ADAMTSL1: variants seen among roughly 807,000 people sequenced by gnomAD.
ADAMTSL1 encodes the protein ADAMTS-like protein 1.
Under a neutral mutation model 201.8 loss-of-function variants are expected in ADAMTSL1, and 126 were observed. That is an observed-to-expected ratio of 0.62 (90% CI 0.54 to 0.72). ADAMTSL1 has a LOEUF of 0.72. ADAMTSL1 is among the 30% of genes least tolerant of loss of function. The pLI is 0.00. For missense variants in ADAMTSL1, 2,679 were observed against 2,277.8 expected, an observed-to-expected ratio of 1.18 and a Z score of -3.59; for synonymous variants, 1,121 against 903.4, an observed-to-expected ratio of 1.24 and a Z score of -4.32.
intron 2 of ADAMTSL1, among the ~76,000 whole-genome samples, chr9:18,397,806 G>A (rs1275104047): frequency 8.5e-5 from 13 of 152,128 alleles, no homozygotes; most frequent in Admixed American, 8.5e-4. Context: ...CTAAAGGTTT[G>A]GGTAAGCATC....
intron 1 of ADAMTSL1, among the ~76,000 whole-genome samples, chr9:17,994,739 T>TG: frequency 6.6e-6 from 1 of 152,204 alleles, no homozygotes. Flanking sequence ...TTTACAATCC[T>TG]GATTTTCCAT....
rs186867870 is a variant in ADAMTSL1, at chr9:18,524,701, T to C, written c.192-8546T>C. Among the ~76,000 whole-genome samples the C allele has an allele frequency of 5.5e-3, 837 of 152,312 alleles. 10 individuals are homozygous for C. The highest frequency in any genetic ancestry group is 0.045 in the East Asian group (233 of 5,190). ...TTTTCTGCATCTATTGAGATAATCA[T>C]GTGGTTTTTGTCTTTGGTTCTGTTT... On this transcript the variant is annotated intron_variant, in intron 2 of 28. Transcript: ENST00000380548.
At chr9:18,823,990 A>T (rs939501353) in intron 21 of ADAMTSL1, among the ~76,000 whole-genome samples, 1 of 151,996 alleles carries the variant, frequency 6.6e-6, no homozygotes, top group African/African-American at 2.4e-5. Context: ...ACTCCATCTC[A>T]ATAAGAAAGA....
intron 4 of ADAMTSL1, among the ~76,000 whole-genome samples, chr9:18,582,125 G>A (rs1823136996): frequency 6.6e-6 from 1 of 152,130 alleles, no homozygotes; most frequent in Non-Finnish European, 1.5e-5. Flanking sequence ...ATGTTTGAGG[G>A]ATTCATGGGT....
intron 1 of ADAMTSL1, among the ~76,000 whole-genome samples, chr9:18,141,489 C>T (rs1225292514): frequency 6.6e-6 from 1 of 152,082 alleles, no homozygotes; most frequent in African/African-American, 2.4e-5. Flanking sequence ...AAACACAAGG[C>T]TCATAGTTGG....
chr9:18,051,562 T>A (rs964675612), intron 1 of ADAMTSL1, among the ~76,000 whole-genome samples: 9 of 150,658 alleles, frequency 6.0e-5, no homozygotes, highest in African/African-American at 9.8e-5. Flanking sequence ...TTTTTTTTTT[T>A]AAATACAAGG....
At chr9:18,336,674 A>G (rs1017714520) in intron 2 of ADAMTSL1, among the ~76,000 whole-genome samples, 2 of 152,018 alleles carry the variant, frequency 1.3e-5, no homozygotes, top group African/African-American at 4.8e-5. Flanking sequence ...GAACTCGGCA[A>G]CTCTTGCCCT....
intron 15 of ADAMTSL1, among the ~76,000 whole-genome samples, chr9:18,727,036 A>G (rs572284914): frequency 5.3e-5 from 8 of 152,340 alleles, no homozygotes; most frequent in African/African-American, 1.9e-4. Flanking sequence ...CTTCTCTTTA[A>G]AAGCATACTT....
intron 2 of ADAMTSL1, among the ~76,000 whole-genome samples, chr9:18,307,366 G>A (rs531436594): frequency 6.6e-6 from 1 of 152,208 alleles, no homozygotes; most frequent in South Asian, 2.1e-4. Flanking sequence ...CCATGTAAAT[G>A]GGTTAAATGC....
At chr9:18,214,146 T>C (rs1246570090) in intron 2 of ADAMTSL1, among the ~76,000 whole-genome samples, 1 of 152,222 alleles carries the variant, frequency 6.6e-6, no homozygotes, top group Non-Finnish European at 1.5e-5. Flanking sequence ...GGTCAAGTTA[T>C]CACCTGTATT....
intron 2 of ADAMTSL1, among the ~76,000 whole-genome samples, chr9:18,269,756 C>T (rs1328658742): frequency 1.3e-5 from 2 of 151,886 alleles, no homozygotes; most frequent in African/African-American, 2.4e-5. Context: ...AAAGCCAAAC[C>T]CTAAGCCTTT....
In ADAMTSL1 at chr9:18,753,474, GC is replaced by G; in HGVS notation, c.2189del (p.Pro730GlnfsTer90). ...STVQACNRFN[C>X]PPAWYPAQWQ... ...GTGCAAGCTTGTAACCGCTTTAATTGCCCCCCAGCCTGGTACCCTGCACAGT... is the reference window on the plus strand; with the variant it reads ...GTGCAAGCTTGTAACCGCTTTAATTGCCCCCAGCCTGGTACCCTGCACAGT... On this transcript the variant is annotated frameshift_variant, in exon 16 of 29. Transcript: ENST00000380548. LOFTEE classifies it high-confidence loss of function. 6.2e-7 allele frequency: 1 copy of G among 1,612,938 alleles called. No homozygotes were observed. Among genetic ancestry groups the G allele is most frequent in the Non-Finnish European group, 8.5e-7 (1 of 1,179,700 alleles).
chr9:18,807,857 TG>T (rs1434973617), intron 20 of ADAMTSL1, among the ~76,000 whole-genome samples: 2 of 152,220 alleles, frequency 1.3e-5, no homozygotes, highest in African/African-American at 4.8e-5. Flanking sequence ...TCTGCATCTA[TG>T]TTTTTTTCTC....
intron 2 of ADAMTSL1, among the ~76,000 whole-genome samples, chr9:18,445,805 C>A (rs1248693759): frequency 6.6e-6 from 1 of 151,998 alleles, no homozygotes; most frequent in African/African-American, 2.4e-5. Flanking sequence ...TACATTTAAT[C>A]TTTGTCATGT....
At chr9:18,602,228 A>G (rs911172621) in intron 4 of ADAMTSL1, among the ~76,000 whole-genome samples, 5 of 152,146 alleles carry the variant, frequency 3.3e-5, no homozygotes, top group East Asian at 1.9e-4. Context: ...TTAGGCTGGG[A>G]GTGCTCAGAA....
At chr9:18,519,277 A>C (rs1266083084) in intron 2 of ADAMTSL1, among the ~76,000 whole-genome samples, 5 of 152,230 alleles carry the variant, frequency 3.3e-5, no homozygotes, top group Non-Finnish European at 7.3e-5. Flanking sequence ...TGCCTTGCAC[A>C]GAGTAGGTAT....
chr9:18,103,249 A>G (rs938465049), intron 1 of ADAMTSL1, among the ~76,000 whole-genome samples: 2 of 152,104 alleles, frequency 1.3e-5, no homozygotes, highest in African/African-American at 4.8e-5. Context: ...TTCATTGTAC[A>G]TATTTTACAT....
chr9:18,823,872 C>G (rs1448516081), intron 21 of ADAMTSL1, among the ~76,000 whole-genome samples: 1 of 152,122 alleles, frequency 6.6e-6, no homozygotes, highest in Non-Finnish European at 1.5e-5. Flanking sequence ...GCCTGTAATT[C>G]CAGCTAACTT....
intron 2 of ADAMTSL1, among the ~76,000 whole-genome samples, chr9:18,291,164 A>G (rs1833244098): frequency 6.6e-6 from 1 of 152,164 alleles, no homozygotes; most frequent in African/African-American, 2.4e-5. Context: ...AAGCTGAGGA[A>G]GAAGAGAGGA....
Sources: gnomAD v4.1 joint callset for allele counts (sites outside exome capture counted in the v4.1 genomes callset) on GRCh38, gnomAD v4.1.1 for gene constraint, MANE v1.5 for transcripts, NCBI Gene and HGNC (gene_info 2026-07-23, HGNC 2026-07-21) for gene names.